The following REC8 variants were observed in gnomAD, a reference collection of about 807,000 sequenced individuals.
REC8 encodes REC8 meiotic recombination protein.
A neutral mutation model predicts 78.3 loss-of-function variants in REC8; 42 were observed. The ratio of observed to expected loss-of-function variants is 0.54; its 90% CI spans 0.42 to 0.69. REC8 has a LOEUF of 0.69. Among genes scored for constraint, REC8 ranks in the 30% least tolerant of loss-of-function variants. REC8 has a pLI of 0.00. For missense variants in REC8, 581 were observed against 715.8 expected (o/e 0.81, Z 2.15); for synonymous variants, 268 against 274.1 (o/e 0.98, Z 0.22).
In REC8 at chr14:24,179,102, G is replaced by A. The variant is rs1255012915; in HGVS notation, c.1221G>A (p.Leu407=). ...PSEIEVPREA[L]EPSVPLMVSL... ...ATCCCCAGGTCCCGAGGGAGGCCCT[G>A]GAGCCCAGTGTTCCCCTTATGGTGT... The change falls in exon 15 of 19, where the codon CTG becomes CTA. Residue 407 remains leucine (L), a synonymous_variant. Coordinates refer to ENST00000611366, the MANE Select transcript of REC8 (RefSeq NM_001048205.2). The A allele has an allele frequency of 1.3e-6, 2 of 1,590,138 alleles. No homozygotes were observed. Among genetic ancestry groups the A allele is most frequent in the South Asian group, 1.1e-5 (1 of 88,938 alleles).
intron 10 of REC8, 80 bp from the exon 11 acceptor site, chr14:24,177,629 G>A: frequency 6.3e-7 from 1 of 1,577,616 alleles, no homozygotes; most frequent in Non-Finnish European, 8.6e-7. Flanking sequence ...TTGCTAAAGG[G>A]AGGACCCTGC....
At position 24,172,940 on chromosome 14, in the gene REC8, C is replaced by A; in HGVS notation, c.167C>A (p.Pro56Gln). 1 of 1,610,998 alleles carries A rather than the reference C, an allele frequency of 6.2e-7. No individual in the cohort carries two copies. Among genetic ancestry groups the A allele is most frequent in the South Asian group, 1.1e-5 (1 of 91,086 alleles). The change falls in exon 3 of 19, where the codon CCG becomes CAG. Residue 56 changes from proline (P) to glutamine (Q), a missense_variant. Transcript: ENST00000611366. The part of the protein sequence containing the change: ...LNYVLVRVQP[P>Q]QPGLPRPRFS... Reference sequence around the variant, plus strand: ...TACGTGCTGGTACGAGTGCAACCCCCGCAGCCCGGCCTGCCGCGGCCCCGC... The same window carrying A: ...TACGTGCTGGTACGAGTGCAACCCCAGCAGCCCGGCCTGCCGCGGCCCCGC...
At position 24,175,592 on chromosome 14, in the gene REC8, C is replaced by T. The variant is rs779537225; in HGVS notation, c.512C>T (p.Pro171Leu). Residue 171 changes from proline to leucine, a missense_variant, in exon 6 of 19, where the codon CCT (proline) becomes CTT (leucine). Pro to Leu is a moderately conservative substitution (Grantham distance 98). Transcript: ENST00000611366. ...AAIPERVEEI[P>L]PEVPTEPREP... Reference sequence around the variant, plus strand: ...ATCCCAGAGAGAGTTGAAGAGATCCCTCCTGAAGTTCCTACAGAGCCCAGG... The same window carrying T: ...ATCCCAGAGAGAGTTGAAGAGATCCTTCCTGAAGTTCCTACAGAGCCCAGG... The T allele has an allele frequency of 6.2e-7, 1 of 1,614,054 alleles. No homozygotes were observed. Among genetic ancestry groups the T allele is most frequent in the Non-Finnish European group, 8.5e-7 (1 of 1,179,948 alleles).
intron 6 of REC8, among the ~76,000 whole-genome samples, chr14:24,175,853 C>A (rs1378177743): frequency 6.6e-6 from 1 of 152,006 alleles, no homozygotes; most frequent in Admixed American, 6.6e-5. Flanking sequence ...CAGATGTGCA[C>A]TACCATGCCC....
chr14:24,175,745 C>CA (rs2038867521), intron 6 of REC8, 121 bp downstream of exon 6: 2 of 664,518 alleles, frequency 3.0e-6, no homozygotes, highest in Non-Finnish European at 5.2e-6. Context: ...TTTTTCGAGG[C>CA]AGAGTCTCAC....
rs183161120 is a variant in REC8, at chr14:24,180,168, C to T, written c.*73C>T. Reference sequence around the variant, plus strand: ...AAACCACGTCGTGCCTCACTGGGTCCTGCTTACCTCATTTCTGAATGTGCA... The same window carrying T: ...AAACCACGTCGTGCCTCACTGGGTCTTGCTTACCTCATTTCTGAATGTGCA... On this transcript the variant is annotated 3_prime_UTR_variant, in exon 19 of 19. Coordinates refer to ENST00000611366, the MANE Select transcript of REC8 (RefSeq NM_001048205.2). The T allele has an allele frequency of 2.1e-4, 341 of 1,613,396 alleles. 1 individual carries two copies. The East Asian group carries it at 7.4e-3, about 35-fold the overall frequency.
intron 5 of REC8, 195 bp from the exon 6 acceptor site, chr14:24,175,348 T>G: frequency 6.0e-6 from 3 of 502,086 alleles, no homozygotes; most frequent in African/African-American, 2.0e-5. Flanking sequence ...GGGGTGCGGG[T>G]TGGGGAGGGA....
rs764620580 is a variant in REC8 at position 24,178,567 on chromosome 14, G to C, written c.997-39G>C. ...GGCAAAGGGGCCCTGAGGAGTGGCTGCTTTATAATGGGGCTTCTGACCTTC... is the reference window on the plus strand; with the variant it reads ...GGCAAAGGGGCCCTGAGGAGTGGCTCCTTTATAATGGGGCTTCTGACCTTC... On this transcript the variant is annotated intron_variant, in intron 12 of 18. Transcript: ENST00000611366. The C allele has an allele frequency of 5.6e-6, 9 of 1,606,020 alleles. No individual in the cohort carries two copies. In the South Asian group the frequency reaches 8.8e-5, roughly 16 times the overall value.
At chr14:24,179,179 T>C (rs1432028540) in intron 15 of REC8, 46 bp downstream of exon 15, 7 of 1,484,240 alleles carry the variant, frequency 4.7e-6, no homozygotes, top group East Asian at 2.4e-5. Flanking sequence ...CCCTAACCAC[T>C]GTCCCAGGAA....
rs1245405455 is a variant in REC8 at position 24,179,598 on chromosome 14, C to T, written c.1323C>T (p.Ala441=). Reference sequence around the variant, plus strand: ...CTACTCTCTCATGTCCTCCTAGGGCCTGGCCTGAGGTGGAGGCGCCAGAAG... The same window carrying T: ...CTACTCTCTCATGTCCTCCTAGGGCTTGGCCTGAGGTGGAGGCGCCAGAAG... ...ISLIPPEERW[A]WPEVEAPEAP... is the part of the protein sequence containing the mutation. The change falls in exon 17 of 19, where the codon GCC becomes GCT. Residue 441 remains alanine (A), a synonymous_variant. Transcript: ENST00000611366. The T allele has an allele frequency of 2.5e-6, 4 of 1,614,090 alleles. No individual in the cohort carries two copies. The highest frequency in any genetic ancestry group is 1.3e-5 in the African/African-American group (1 of 74,940).
At chr14:24,177,673 G>T in intron 10 of REC8, 36 bp from the exon 11 acceptor site, 1 of 1,601,246 alleles carries the variant, frequency 6.2e-7, no homozygotes, top group Non-Finnish European at 8.5e-7. Flanking sequence ...AGGGGTAAGG[G>T]GCTTATGGGA....
At chr14:24,177,332 A>T in intron 8 of REC8, 21 bp from the exon 9 acceptor site, 1 of 1,614,010 alleles carries the variant, frequency 6.2e-7, no homozygotes. Context: ...TGTCCTCTGA[A>T]CTCTGATTCT....
intron 12 of REC8, among the ~76,000 whole-genome samples, 187 bp from the exon 13 acceptor site, chr14:24,178,419 C>T (rs978232289): frequency 1.3e-5 from 2 of 152,170 alleles, no homozygotes; most frequent in African/African-American, 2.4e-5. Flanking sequence ...TTTAGTGACC[C>T]ACCTGTCATA....
chr14:24,174,940 C>A (rs138194479), intron 5 of REC8, among the ~76,000 whole-genome samples: 5 of 151,936 alleles, frequency 3.3e-5, no homozygotes, highest in African/African-American at 1.2e-4. Context: ...GATCAAGAAT[C>A]TTTTCTGTTC....
chr14:24,179,367 C>T (rs1416503105), intron 15 of REC8, 30 bp from the exon 16 acceptor site: 6 of 1,612,104 alleles, frequency 3.7e-6, no homozygotes, highest in African/African-American at 2.7e-5. Context: ...CCCAAGCAGA[C>T]ACCCACTAGC....
At chr14:24,174,592 G>A (rs540266105) in intron 5 of REC8, among the ~76,000 whole-genome samples, 2 of 152,178 alleles carry the variant, frequency 1.3e-5, no homozygotes, top group Middle Eastern at 3.4e-3. Context: ...CCCCAGTTTA[G>A]AACTAGTCAT....
downstream of REC8, chr14:24,180,799 A>ACC: frequency 6.3e-7 from 1 of 1,592,346 alleles, no homozygotes; most frequent in East Asian, 2.2e-5. Context: ...GCAGCCCCAG[A>ACC]CCCCAGGTCT....
chr14:24,176,993 C>T lies in REC8; in HGVS notation c.624+92C>T, dbSNP rs578187094. 1.3e-4 allele frequency: 174 copies of T among 1,357,560 alleles called. 1 individual carries two copies. In the African/African-American group the frequency reaches 2.2e-3, roughly 17 times the overall value. 84.1% of individuals were successfully genotyped at this position (1,357,560 alleles called of 1,614,324 possible). A position where few individuals can be genotyped will look rare whatever the true frequency, so the allele number is the denominator to read the frequency against. ...GTCCTGCCTTTTCTGTCTCCATTTC[C>T]CTATTCTCTGTCCCTGGCACTTGAG... On this transcript the variant is annotated intron_variant, in intron 7 of 18. Transcript: ENST00000611366.
chr14:24,177,039 C>T, intron 7 of REC8, 102 bp from the exon 8 acceptor site: 5 of 1,366,436 alleles, frequency 3.7e-6, no homozygotes, highest in Non-Finnish European at 5.2e-6. Flanking sequence ...CTTCCTTGAA[C>T]CTGGCCCTGT....
Sources: gnomAD v4.1 joint callset for allele counts (sites outside exome capture counted in the v4.1 genomes callset) on GRCh38, gnomAD v4.1.1 for gene constraint, MANE v1.5 for transcripts, NCBI Gene and HGNC (gene_info 2026-07-23, HGNC 2026-07-21) for gene names.